The following LIM2 variants were observed in gnomAD, a reference collection of about 807,000 sequenced individuals.
LIM2 encodes the protein lens intrinsic membrane protein 2.
A neutral mutation model predicts 19.0 loss-of-function variants in LIM2; 14 were observed. The observed-to-expected ratio is 0.74, with a 90% CI of 0.49 to 1.15. The LOEUF (loss-of-function observed/expected upper bound fraction) is 1.15, where lower values mean the gene tolerates loss of function less well. Among genes scored for constraint, LIM2 ranks in the 50% most tolerant of loss-of-function variants. LIM2 has a pLI of 0.00. For synonymous variants in LIM2, 78 were observed against 89.6 expected (o/e 0.87, Z 0.73); for missense variants, 230 against 243.5 (o/e 0.94, Z 0.37).
chr19:51,387,651 A>T (rs574549909), intron 1 of LIM2, among the ~76,000 whole-genome samples: 1 of 152,076 alleles, frequency 6.6e-6, no homozygotes, highest in South Asian at 2.1e-4. Flanking sequence ...GGATCCTGGA[A>T]AGACAACAGG....
intron 2 of LIM2, among the ~76,000 whole-genome samples, chr19:51,384,188 T>C (rs1599862362): frequency 6.6e-6 from 1 of 152,154 alleles, no homozygotes; most frequent in Admixed American, 6.5e-5. Flanking sequence ...CCCAGCACTT[T>C]GGGAAGCCAA....
At position 51,382,472 on chromosome 19, in the gene LIM2, T is replaced by TAGGCTGATGAGCGAAGGC; in HGVS notation, c.253_270dup (p.Ala85_Pro90dup). 1 of 1,613,648 alleles carries TAGGCTGATGAGCGAAGGC rather than the reference T, an allele frequency of 6.2e-7. No individual in the cohort carries two copies. The highest frequency in any genetic ancestry group is 2.2e-5 in the East Asian group (1 of 44,848). On this transcript the variant is annotated inframe_insertion, in exon 3 of 5. Transcript: ENST00000596399. The stretch of plus-strand genomic sequence containing the variant: ...AAGGGCCGGGAGATGCGGGAGAAGG[T>TAGGCTGATGAGCGAAGGC]AGGCTGATGAGCGAAGGCCATGATG...
chr19:51,380,163 C>T lies in LIM2; in HGVS notation c.*38G>A, dbSNP rs953535527. 1 of 1,605,962 alleles carries T rather than the reference C, an allele frequency of 6.2e-7. No homozygotes were observed. Among genetic ancestry groups the T allele is most frequent in the African/African-American group, 1.3e-5 (1 of 74,822 alleles). On this transcript the variant is annotated 3_prime_UTR_variant, in exon 5 of 5. Transcript: ENST00000596399. ...CTCCTCCTCCTCTTCAGTGGCCTCA[C>T]TTTAACTTCCAGATGAAGTTGGGGG...
rs1489790401 is a variant in LIM2 at position 51,387,260 on chromosome 19, G to C, written c.175+9C>G. The C allele has an allele frequency of 5.0e-6, 8 of 1,614,072 alleles. No individual in the cohort carries two copies. The African/African-American group carries it at 9.3e-5, about 19-fold the overall frequency. ...CAGGCGCGGCCTGGACCCTGGCCGG[G>C]GGGCTCACCGATGCTGTCTGTCTGC... On this transcript the variant is annotated intron_variant, in intron 2 of 4. Coordinates refer to ENST00000596399, the MANE Select transcript of LIM2 (RefSeq NM_001161748.2).
intron 3 of LIM2, among the ~76,000 whole-genome samples, chr19:51,381,358 G>A (rs192584632): frequency 2.4e-4 from 37 of 152,152 alleles, no homozygotes; most frequent in African/African-American, 6.7e-4. Flanking sequence ...AAGAAAGACC[G>A]ACCATGATAT....
At chr19:51,382,665 C>T in intron 2 of LIM2, 98 bp from the exon 3 acceptor site, 2 of 1,502,286 alleles carry the variant, frequency 1.3e-6, no homozygotes, top group Non-Finnish European at 1.8e-6. Context: ...TTTCCATATC[C>T]CTAACCCAGC....
At chr19:51,381,050 C>T (rs961355910) in intron 3 of LIM2, among the ~76,000 whole-genome samples, 2 of 152,066 alleles carry the variant, frequency 1.3e-5, no homozygotes, top group Non-Finnish European at 2.9e-5. Flanking sequence ...GTGACTCATG[C>T]GTGTCATCCC....
At chr19:51,381,918 TGGGGTTTCGCCATGTTGGCCA>T (rs1986902899) in intron 3 of LIM2, among the ~76,000 whole-genome samples, 1 of 152,100 alleles carries the variant, frequency 6.6e-6, no homozygotes, top group South Asian at 2.1e-4. Flanking sequence ...TTAGTAGAGA[TGGGGTTTCGCCATGTTGGCCA>T]GGCTAGTCTC....
chr19:51,380,114 A>G lies in LIM2; in HGVS notation c.*87T>C. 1 of 1,255,110 alleles carries G rather than the reference A, an allele frequency of 8.0e-7. No homozygotes were observed. Among genetic ancestry groups the G allele is most frequent in the Non-Finnish European group, 1.1e-6 (1 of 869,754 alleles). The allele number at this position is 1,255,110 out of a possible 1,614,324, so 77.7% of individuals were successfully genotyped here. A position where few individuals can be genotyped will look rare whatever the true frequency, so the allele number is the denominator to read the frequency against. On this transcript the variant is annotated 3_prime_UTR_variant, in exon 5 of 5. Coordinates refer to ENST00000596399, the MANE Select transcript of LIM2 (RefSeq NM_001161748.2). The stretch of plus-strand genomic sequence containing the variant: ...ACTGAGCCCCCTCATTCCCCTAGGA[A>G]CCAGGATTTCAGGCCTCTAGACCCT...
intron 2 of LIM2, chr19:51,387,000 T>C (rs957913874): frequency 8.5e-6 from 6 of 707,288 alleles, no homozygotes; most frequent in African/African-American, 7.0e-5. Flanking sequence ...TTCGTGACAC[T>C]AGCCCCAATT....
At chr19:51,383,027 CTTTTTTTTT>C (rs1163859181) in intron 2 of LIM2, among the ~76,000 whole-genome samples, 12 of 88,302 alleles carry the variant, frequency 1.4e-4, no homozygotes, top group African/African-American at 3.9e-4. Flanking sequence ...TTTTTCTTTT[CTTTTTTTTT>C]TTTTTTTTTT....
intron 2 of LIM2, among the ~76,000 whole-genome samples, chr19:51,383,684 C>T (rs1189009096): frequency 6.6e-6 from 1 of 152,190 alleles, no homozygotes; most frequent in Non-Finnish European, 1.5e-5. Flanking sequence ...TCCTCCAGAG[C>T]CCTACTCTAT....
chr19:51,380,134 G>T lies in LIM2; in HGVS notation c.*67C>A. The T allele has an allele frequency of 6.8e-7, 1 of 1,473,588 alleles. No homozygotes were observed. Among genetic ancestry groups the T allele is most frequent in the Non-Finnish European group, 9.4e-7 (1 of 1,059,880 alleles). The allele number at this position is 1,473,588 out of a possible 1,614,324, so 91.3% of individuals were successfully genotyped here. ...TAGGAACCAGGATTTCAGGCCTCTA[G>T]ACCCTCCTCCTCCTCTTCAGTGGCC... On this transcript the variant is annotated 3_prime_UTR_variant, in exon 5 of 5. Coordinates refer to ENST00000596399, the MANE Select transcript of LIM2 (RefSeq NM_001161748.2).
intron 3 of LIM2, 67 bp downstream of exon 3, chr19:51,382,351 G>A: frequency 6.4e-7 from 1 of 1,569,786 alleles, no homozygotes; most frequent in Non-Finnish European, 8.8e-7. Context: ...GGTGTTGAGG[G>A]GTGGGGACAG....
chr19:51,382,275 T>G, intron 3 of LIM2, 143 bp downstream of exon 3: 1 of 907,738 alleles, frequency 1.1e-6, no homozygotes, highest in Non-Finnish European at 1.7e-6. Flanking sequence ...TGAGGTTGGT[T>G]TTGAGTGTGG....
chr19:51,386,676 T>C lies in LIM2; in HGVS notation c.175+593A>G, dbSNP rs562682556. Among the ~76,000 whole-genome samples the C allele has an allele frequency of 4.8e-5, 7 of 147,264 alleles. No individual in the cohort carries two copies. In the South Asian group the frequency reaches 1.5e-3, roughly 31 times the overall value. On this transcript the variant is annotated intron_variant, in intron 2 of 4. Transcript: ENST00000596399. ...TATGTATTAGTAATTTATTATATAA[T>C]AGAGGTGCATGTATAATACACTATA... is the stretch of plus-strand genomic sequence containing the variant.
intron 3 of LIM2, among the ~76,000 whole-genome samples, chr19:51,381,094 T>G (rs1295300011): frequency 6.6e-6 from 1 of 151,936 alleles, no homozygotes; most frequent in Non-Finnish European, 1.5e-5. Flanking sequence ...GTGGATCACT[T>G]GAGGTCAGGA....
chr19:51,383,379 T>C (rs1986952245), intron 2 of LIM2, among the ~76,000 whole-genome samples: 1 of 152,132 alleles, frequency 6.6e-6, no homozygotes, highest in Non-Finnish European at 1.5e-5. Context: ...TCTGAAAATG[T>C]CCTATTTACT....
intron 2 of LIM2, among the ~76,000 whole-genome samples, chr19:51,386,639 T>C (rs1324795687): frequency 2.0e-5 from 3 of 148,802 alleles, no homozygotes; most frequent in East Asian, 3.9e-4. Flanking sequence ...TAGCATATTA[T>C]ATACAATATA....
Sources: gnomAD v4.1 joint callset for allele counts (sites outside exome capture counted in the v4.1 genomes callset) on GRCh38, gnomAD v4.1.1 for gene constraint, MANE v1.5 for transcripts, NCBI Gene and HGNC (gene_info 2026-07-23, HGNC 2026-07-21) for gene names.